ATP11A: variants seen among roughly 807,000 people sequenced by gnomAD.
ATP11A encodes phospholipid-transporting ATPase IH.
In ATP11A, 81 loss-of-function variants were observed where a neutral mutation model predicts 154.4. The ratio of observed to expected loss-of-function variants is 0.52; its 90% CI spans 0.44 to 0.63. The LOEUF (loss-of-function observed/expected upper bound fraction) is 0.63, where lower values mean the gene tolerates loss of function less well. Among genes scored for constraint, ATP11A ranks in the 30% least tolerant of loss-of-function variants. The pLI is 0.00. For missense variants in ATP11A, 1,316 were observed against 1,474.3 expected, an observed-to-expected ratio of 0.89 and a Z score of 1.76; for synonymous variants, 623 against 585.9, an observed-to-expected ratio of 1.06 and a Z score of -0.91.
At chr13:112,719,803 C>T (rs765967185) in intron 1 of ATP11A, among the ~76,000 whole-genome samples, 3 of 152,136 alleles carry the variant, frequency 2.0e-5, no homozygotes, top group African/African-American at 4.8e-5. Context: ...ATTTTGGTGA[C>T]GTGGCATTGA....
chr13:112,745,124 G>A (rs867988776), intron 1 of ATP11A, among the ~76,000 whole-genome samples: 2 of 152,228 alleles, frequency 1.3e-5, no homozygotes, highest in East Asian at 3.8e-4. Context: ...GAGTGCAGTG[G>A]TGCCATCTCG....
At chr13:112,799,534 A>G (rs1194813445) in intron 2 of ATP11A, among the ~76,000 whole-genome samples, 6 of 151,742 alleles carry the variant, frequency 4.0e-5, no homozygotes, top group Non-Finnish European at 5.9e-5. Context: ...AGGTCATGAG[A>G]CTCATTGTCC....
chr13:112,691,504 G>A (rs1885188123), intron 1 of ATP11A, among the ~76,000 whole-genome samples: 1 of 149,920 alleles, frequency 6.7e-6, no homozygotes, highest in African/African-American at 2.5e-5. Context: ...GTGTGTGTGT[G>A]TGTAGGAGAG....
intron 2 of ATP11A, among the ~76,000 whole-genome samples, chr13:112,796,982 C>T (rs2078016322): frequency 6.6e-6 from 1 of 152,118 alleles, no homozygotes; most frequent in Non-Finnish European, 1.5e-5. Context: ...GTGAAGCAGG[C>T]CAGGCACGGT....
rs2078942568 is a variant in ATP11A at position 112,826,682 on chromosome 13, C to T, written c.1024-12C>T. On this transcript the variant is annotated splice_polypyrimidine_tract_variant and intron_variant, in intron 11 of 29. Transcript: ENST00000375645. ...TGGTGGAGGTGCTGACCCGCACCTT[C>T]TGCTCTTGCAGTTCCTCAAGGCATT... is the stretch of plus-strand genomic sequence containing the variant. 2 of 1,613,690 alleles carry T rather than the reference C, an allele frequency of 1.2e-6. No individual in the cohort carries two copies. The highest frequency in any genetic ancestry group is 1.1e-5 in the South Asian group (1 of 91,074).
At chr13:112,876,178 G>A in intron 28 of ATP11A, 1 of 378,086 alleles carries the variant, frequency 2.6e-6, no homozygotes, top group Non-Finnish European at 4.6e-6. Flanking sequence ...ACACAAATAA[G>A]AGAAAAAAGA....
chr13:112,804,587 C>G (rs958294265), intron 2 of ATP11A, among the ~76,000 whole-genome samples: 2 of 149,142 alleles, frequency 1.3e-5, no homozygotes, highest in Non-Finnish European at 3.0e-5. Flanking sequence ...CCATTCAGCT[C>G]GCTGTCATGC....
chr13:112,827,237 G>T (rs1405193789), intron 12 of ATP11A, among the ~76,000 whole-genome samples: 4 of 152,180 alleles, frequency 2.6e-5, no homozygotes, highest in Non-Finnish European at 4.4e-5. Context: ...GGCGAGCTGG[G>T]TATTTTCACT....
intron 24 of ATP11A, 87 bp from the exon 25 acceptor site, chr13:112,862,353 C>A: frequency 3.3e-6 from 5 of 1,522,036 alleles, no homozygotes; most frequent in Non-Finnish European, 4.5e-6. Flanking sequence ...ATGAAGACAA[C>A]GTCCAGGGAT....
chr13:112,694,979 G>T (rs12871862), intron 1 of ATP11A, among the ~76,000 whole-genome samples: 5,776 of 152,124 alleles, frequency 0.038, 157 homozygotes, highest in Admixed American at 0.075. Flanking sequence ...ATTTATTACC[G>T]AATGGTGTAT....
intron 2 of ATP11A, among the ~76,000 whole-genome samples, chr13:112,801,452 G>A (rs980756089): frequency 3.9e-5 from 6 of 152,188 alleles, no homozygotes; most frequent in East Asian, 1.9e-4. Flanking sequence ...TACAGTAAGA[G>A]TAGAAATGGG....
chr13:112,740,759 G>T (rs755758668), intron 1 of ATP11A, among the ~76,000 whole-genome samples: 7 of 152,178 alleles, frequency 4.6e-5, no homozygotes, highest in Non-Finnish European at 8.8e-5. Flanking sequence ...ACTTCCTGTT[G>T]TGTAACATCC....
chr13:112,877,834 A>G (rs963123002), intron 28 of ATP11A, among the ~76,000 whole-genome samples: 3 of 152,094 alleles, frequency 2.0e-5, no homozygotes, highest in East Asian at 1.9e-4. Context: ...CTGCTCTGCA[A>G]CTCATCTCCA....
rs115088892 is a variant in ATP11A, at chr13:112,849,077, T to G, written c.1810-1960T>G. On this transcript the variant is annotated intron_variant, in intron 17 of 29. Coordinates refer to ENST00000375645, the MANE Select transcript of ATP11A (RefSeq NM_015205.3). ...TGGTTTTATCACCAAAAGGTGCTGGTTTTTTTTCAGATGCCTTTTCTGCAT... is the reference window on the plus strand; with the variant it reads ...TGGTTTTATCACCAAAAGGTGCTGGGTTTTTTTCAGATGCCTTTTCTGCAT... Among the ~76,000 whole-genome samples the G allele has an allele frequency of 5.5e-3, 835 of 152,152 alleles. 11 individuals carry two copies. Among genetic ancestry groups the G allele is most frequent in the African/African-American group, 0.019 (798 of 41,510 alleles).
chr13:112,719,465 T>G (rs1888899949), intron 1 of ATP11A, among the ~76,000 whole-genome samples: 1 of 152,250 alleles, frequency 6.6e-6, no homozygotes, highest in Non-Finnish European at 1.5e-5. Flanking sequence ...GTATCCTTGA[T>G]TCCAACTGTC....
chr13:112,695,969 T>C lies in ATP11A; in HGVS notation c.39+5514T>C, dbSNP rs139282792. Among the ~76,000 whole-genome samples, 743 of 152,320 alleles carry C rather than the reference T, an allele frequency of 4.9e-3. 6 individuals carry two copies. Among genetic ancestry groups the C allele is most frequent in the African/African-American group, 0.017 (707 of 41,570 alleles). On this transcript the variant is annotated intron_variant, in intron 1 of 29. Coordinates refer to ENST00000375645, the MANE Select transcript of ATP11A (RefSeq NM_015205.3). ...ATGATTTTCTCTTTCACTTGGATATTATTATCTGAGAAGAACAAAATGGTA... is the reference window on the plus strand; with the variant it reads ...ATGATTTTCTCTTTCACTTGGATATCATTATCTGAGAAGAACAAAATGGTA...
At position 112,813,613 on chromosome 13, in the gene ATP11A, C is replaced by T. The variant is rs147900813; in HGVS notation, c.442-2470C>T. 3.5e-3 allele frequency among the ~76,000 whole-genome samples: 528 copies of T among 152,328 alleles called. 4 individuals carry two copies. The highest frequency in any genetic ancestry group is 0.012 in the African/African-American group (510 of 41,574). On this transcript the variant is annotated intron_variant, in intron 5 of 29. Transcript: ENST00000375645. ...GTGAATTTAGTTTTCATTTCTTTTGCATAAAAGCTCAAGAGTTGGATTGCT... is the reference window on the plus strand; with the variant it reads ...GTGAATTTAGTTTTCATTTCTTTTGTATAAAAGCTCAAGAGTTGGATTGCT...
intron 1 of ATP11A, among the ~76,000 whole-genome samples, chr13:112,700,956 G>A (rs1886447132): frequency 6.6e-6 from 1 of 152,222 alleles, no homozygotes; most frequent in Non-Finnish European, 1.5e-5. Context: ...GTGTATCTCT[G>A]AGTAGTGAGA....
At chr13:112,767,114 A>G (rs565579037) in intron 1 of ATP11A, among the ~76,000 whole-genome samples, 1 of 688 alleles carries the variant, frequency 1.5e-3, no homozygotes, top group Non-Finnish European at 3.0e-3. Flanking sequence ...AGGGTGTGGG[A>G]GTGCTGGGAG....
Sources: allele counts gnomAD v4.1 joint callset (sites outside exome capture counted in the v4.1 genomes callset), GRCh38; gene constraint gnomAD v4.1.1; transcripts MANE v1.5; gene names NCBI Gene and HGNC (gene_info 2026-07-23, HGNC 2026-07-21).